RALGAPA1: variants seen among roughly 807,000 people sequenced by gnomAD.
RALGAPA1 encodes ral GTPase-activating protein subunit alpha-1.
A neutral mutation model predicts 269.6 loss-of-function variants in RALGAPA1; 52 were observed. The observed-to-expected ratio is 0.19, with a 90% CI of 0.15 to 0.24. The LOEUF is 0.24. RALGAPA1 is among the 10% of genes least tolerant of loss of function. RALGAPA1 has a pLI of 1.00. For synonymous variants in RALGAPA1, 817 were observed against 1,008.3 expected, an observed-to-expected ratio of 0.81 and a Z score of 3.60; for missense variants, 1,917 against 3,013.9, an observed-to-expected ratio of 0.64 and a Z score of 8.52.
At chr14:35,651,955 G>A in intron 30 of RALGAPA1, 82 bp from the exon 31 acceptor site, 1 of 1,184,012 alleles carries the variant, frequency 8.4e-7, no homozygotes, top group Non-Finnish European at 1.2e-6. Context: ...GTTAAATGCT[G>A]AAGTGATACA....
Position 35,664,718 on chromosome 14 carries a change from G to A in RALGAPA1, c.5252C>T (p.Pro1751Leu), listed in dbSNP as rs2063795621. 1 of 1,612,772 alleles carries A rather than the reference G, an allele frequency of 6.2e-7. No homozygotes were observed. The highest frequency in any genetic ancestry group is 1.3e-5 in the African/African-American group (1 of 74,952). Residue 1751 changes from proline to leucine, a missense_variant, in exon 27 of 42, where the codon CCC (proline) becomes CTC (leucine). Physicochemically the swap from Pro to Leu is moderately conservative, Grantham distance 98. Transcript: ENST00000680220. ...AGAAGGCAGTTCACAATATAAGTTG[G>A]GAAAGCAAACCAAAGATCCCAGAAG... ...QVLLGSLVCF[P>L]NLYCELPSLH...
At chr14:35,737,714 G>A (rs768257124) in intron 12 of RALGAPA1, among the ~76,000 whole-genome samples, 2 of 123,448 alleles carry the variant, frequency 1.6e-5, no homozygotes, top group Admixed American at 1.0e-4. Flanking sequence ...AGCCGAGATC[G>A]TGCCATTGCA....
chr14:35,562,601 C>T (rs929675828), intron 39 of RALGAPA1, among the ~76,000 whole-genome samples: 21 of 152,120 alleles, frequency 1.4e-4, no homozygotes, highest in African/African-American at 5.1e-4. Flanking sequence ...GTATCAGAGG[C>T]AATTTTCACT....
intron 16 of RALGAPA1, among the ~76,000 whole-genome samples, chr14:35,710,431 T>C (rs1316639645): frequency 3.3e-5 from 5 of 152,292 alleles, no homozygotes; most frequent in African/African-American, 4.8e-5. Context: ...AATTTTTTTG[T>C]ATTTTTAGTA....
At chr14:35,545,855 G>C (rs1485538934) in intron 41 of RALGAPA1, among the ~76,000 whole-genome samples, 1 of 152,042 alleles carries the variant, frequency 6.6e-6, no homozygotes, top group African/African-American at 2.4e-5. Flanking sequence ...GTGTAATCTG[G>C]CCAAGAAGAG....
At chr14:35,583,067 A>G (rs889565833) in intron 37 of RALGAPA1, among the ~76,000 whole-genome samples, 2 of 152,334 alleles carry the variant, frequency 1.3e-5, no homozygotes, top group South Asian at 4.1e-4. Flanking sequence ...ATTACAAGAC[A>G]AAAAACATAG....
intron 4 of RALGAPA1, among the ~76,000 whole-genome samples, chr14:35,765,614 C>T (rs1396908281): frequency 6.6e-6 from 1 of 152,118 alleles, no homozygotes; most frequent in African/African-American, 2.4e-5. Flanking sequence ...TATCCTCTCA[C>T]CTCCCCAGTA....
intron 34 of RALGAPA1, among the ~76,000 whole-genome samples, chr14:35,626,208 A>G (rs1263548996): frequency 6.6e-6 from 1 of 152,216 alleles, no homozygotes; most frequent in East Asian, 1.9e-4. Flanking sequence ...CCTATAAGGC[A>G]GAGGATATTC....
intron 37 of RALGAPA1, among the ~76,000 whole-genome samples, chr14:35,582,615 G>C (rs978451924): frequency 6.6e-6 from 1 of 152,150 alleles, no homozygotes; most frequent in Non-Finnish European, 1.5e-5. Context: ...GGAGAAACCA[G>C]TCTTATGGGG....
In RALGAPA1 at chr14:35,634,610, A is replaced by G. The variant is rs1566883067; in HGVS notation, c.5959T>C (p.Ser1987Pro). The G allele has an allele frequency of 1.2e-6, 2 of 1,613,488 alleles. No homozygotes were observed. Among genetic ancestry groups the G allele is most frequent in the Middle Eastern group, 1.7e-4 (1 of 6,046 alleles). ...GGCTGGAGTTTAGAAGATCGTTCTG[A>G]GTCAGGAGAGTGCAGAGGCTCAGGC... ...KEPEPLHSPDSERSSKLQPVT... is the reference protein window; with the variant it reads ...KEPEPLHSPDPERSSKLQPVT... Residue 1987 changes from serine (S) to proline (P), a missense_variant, in exon 33 of 42, where the codon TCA becomes CCA. By Grantham distance (74) the Ser-to-Pro change is moderately conservative. Around this residue, in one of 11 missense-constraint regions of RALGAPA1, gnomAD observed 346 missense variants for 566.1 expected, o/e 0.61. Transcript: ENST00000680220.
intron 37 of RALGAPA1, among the ~76,000 whole-genome samples, chr14:35,582,087 A>G (rs946546098): frequency 6.6e-6 from 1 of 152,204 alleles, no homozygotes; most frequent in African/African-American, 2.4e-5. Flanking sequence ...TACAACATGA[A>G]TGGATCTTGA....
chr14:35,774,875 T>C (rs920853755), intron 3 of RALGAPA1, 131 bp downstream of exon 3: 2 of 655,274 alleles, frequency 3.1e-6, no homozygotes, highest in East Asian at 5.8e-5. Flanking sequence ...TTAAAAAATT[T>C]AGATTTAGTT....
chr14:35,581,905 G>C (rs2057975436), intron 37 of RALGAPA1, among the ~76,000 whole-genome samples: 1 of 152,058 alleles, frequency 6.6e-6, no homozygotes, highest in East Asian at 1.9e-4. Flanking sequence ...ATTGAAAACA[G>C]GGATTCAAAT....
chr14:35,755,412 T>C (rs1595441481), intron 7 of RALGAPA1, among the ~76,000 whole-genome samples: 1 of 152,118 alleles, frequency 6.6e-6, no homozygotes, highest in Admixed American at 6.6e-5. Flanking sequence ...GTGATAAATA[T>C]ATACATTATC....
At chr14:35,610,847 CAAAAACA>C (rs1229304879) in intron 35 of RALGAPA1, among the ~76,000 whole-genome samples, 2 of 151,606 alleles carry the variant, frequency 1.3e-5, no homozygotes, top group African/African-American at 4.8e-5. Flanking sequence ...ATAAACAAGC[CAAAAACA>C]AAAAACAAAA....
intron 32 of RALGAPA1, 136 bp downstream of exon 32, chr14:35,635,328 G>C: frequency 1.0e-6 from 1 of 976,248 alleles, no homozygotes; most frequent in Non-Finnish European, 1.4e-6. Flanking sequence ...ATTACCCTTA[G>C]GCACTGTAAG....
intron 16 of RALGAPA1, among the ~76,000 whole-genome samples, chr14:35,705,419 T>G (rs1283222174): frequency 6.6e-6 from 1 of 152,164 alleles, no homozygotes; most frequent in Admixed American, 6.5e-5. Flanking sequence ...GTCATATATT[T>G]GAAATCATAC....
intron 7 of RALGAPA1, among the ~76,000 whole-genome samples, chr14:35,755,836 T>C (rs1438534050): frequency 5.3e-5 from 8 of 152,204 alleles, no homozygotes; most frequent in Admixed American, 4.6e-4. Context: ...AAATTAACTT[T>C]ATAATGTTTG....
chr14:35,723,876 T>C (rs1019898469), intron 14 of RALGAPA1: 1 of 152,156 alleles, frequency 6.6e-6, no homozygotes, highest in Non-Finnish European at 1.5e-5. Context: ...CCCTGAGATT[T>C]TGTGGATTTC....
Sources: allele counts gnomAD v4.1 joint callset (sites outside exome capture counted in the v4.1 genomes callset), GRCh38; gene constraint gnomAD v4.1.1; regional missense constraint gnomAD v4.1.1; transcripts MANE v1.5; gene names NCBI Gene and HGNC (gene_info 2026-07-23, HGNC 2026-07-21).